Variants in KCNQ3 observed in about 807,000 individuals in gnomAD.
KCNQ3 encodes the protein potassium voltage-gated channel subfamily KQT member 3.
In KCNQ3, 30 loss-of-function variants were observed where a neutral mutation model predicts 92.5. The ratio of observed to expected loss-of-function variants is 0.32; its 90% CI spans 0.24 to 0.44. The LOEUF (loss-of-function observed/expected upper bound fraction) is 0.44. KCNQ3 is among the 20% of genes least tolerant of loss of function. The pLI, the probability that KCNQ3 is intolerant of heterozygous loss-of-function variation, is 1.00. For missense variants in KCNQ3, 913 were observed against 1,140.3 expected, an observed-to-expected ratio of 0.80 and a Z score of 2.87; for synonymous variants, 450 against 468.8, an observed-to-expected ratio of 0.96 and a Z score of 0.52.
At chr8:132,321,992 C>A (rs1431365213) in intron 1 of KCNQ3, among the ~76,000 whole-genome samples, 1 of 152,080 alleles carries the variant, frequency 6.6e-6, no homozygotes, top group Admixed American at 6.5e-5. Context: ...TTTTTTAAAG[C>A]ACATTTTCTT....
intron 9 of KCNQ3, among the ~76,000 whole-genome samples, chr8:132,151,769 GATATC>G (rs1456317106): frequency 2.0e-5 from 3 of 152,186 alleles, no homozygotes; most frequent in Non-Finnish European, 4.4e-5. Context: ...TGTGTTTCCT[GATATC>G]TGGATTTTTG....
intron 1 of KCNQ3, among the ~76,000 whole-genome samples, chr8:132,234,129 C>T (rs952396362): frequency 1.3e-5 from 2 of 152,138 alleles, no homozygotes; most frequent in African/African-American, 2.4e-5. Flanking sequence ...ATCGAGCCTA[C>T]ATAGCTCAAC....
intron 1 of KCNQ3, among the ~76,000 whole-genome samples, chr8:132,384,295 A>G (rs1819836700): frequency 6.6e-6 from 1 of 152,216 alleles, no homozygotes; most frequent in African/African-American, 2.4e-5. Flanking sequence ...CTGAGCACCA[A>G]CATATTTCAA....
intron 1 of KCNQ3, among the ~76,000 whole-genome samples, chr8:132,213,324 G>A (rs1023048745): frequency 2.0e-5 from 3 of 152,162 alleles, no homozygotes; most frequent in Admixed American, 6.5e-5. Flanking sequence ...TGACCAAGGT[G>A]CCGCTCTCCT....
intron 1 of KCNQ3, among the ~76,000 whole-genome samples, chr8:132,394,900 C>A (rs1490784634): frequency 6.6e-6 from 1 of 152,194 alleles, no homozygotes; most frequent in East Asian, 1.9e-4. Context: ...GCCAAAGACA[C>A]AACTTAAGAC....
At chr8:132,239,398 C>G (rs1286454628) in intron 1 of KCNQ3, among the ~76,000 whole-genome samples, 1 of 152,206 alleles carries the variant, frequency 6.6e-6, no homozygotes, top group East Asian at 1.9e-4. Context: ...GTAAGTACCA[C>G]TAAGGTTACT....
At chr8:132,139,130 C>T (rs1432931964) in intron 11 of KCNQ3, among the ~76,000 whole-genome samples, 1 of 152,164 alleles carries the variant, frequency 6.6e-6, no homozygotes, top group Non-Finnish European at 1.5e-5. Context: ...CATTTACTAT[C>T]CGACCCTTTC....
At chr8:132,380,733 A>G (rs558502195) in intron 1 of KCNQ3, among the ~76,000 whole-genome samples, 134 of 151,850 alleles carry the variant, frequency 8.8e-4, no homozygotes, top group African/African-American at 3.1e-3. Flanking sequence ...GCCCAGAGAA[A>G]AACCATCAGT....
chr8:132,190,122 T>C (rs1329637298), intron 1 of KCNQ3, among the ~76,000 whole-genome samples: 1 of 152,130 alleles, frequency 6.6e-6, no homozygotes, highest in Non-Finnish European at 1.5e-5. Flanking sequence ...GTCCCACAGC[T>C]GAACTAATTT....
At chr8:132,289,928 T>A (rs1263020742) in intron 1 of KCNQ3, among the ~76,000 whole-genome samples, 1 of 152,198 alleles carries the variant, frequency 6.6e-6, no homozygotes, top group Non-Finnish European at 1.5e-5. Flanking sequence ...CAAATAGAGC[T>A]AAGTCCCAGT....
intron 1 of KCNQ3, among the ~76,000 whole-genome samples, chr8:132,390,176 G>A (rs981990433): frequency 1.3e-5 from 2 of 152,254 alleles, no homozygotes; most frequent in Middle Eastern, 3.4e-3. Flanking sequence ...CCTTCTATAT[G>A]TGGTTCCAGT....
chr8:132,142,643 T>C (rs1317761892), intron 9 of KCNQ3, among the ~76,000 whole-genome samples: 1 of 152,212 alleles, frequency 6.6e-6, no homozygotes, highest in Non-Finnish European at 1.5e-5. Flanking sequence ...CACACAGAGC[T>C]TGGCACACAG....
intron 1 of KCNQ3, among the ~76,000 whole-genome samples, chr8:132,240,148 G>C (rs1443645113): frequency 2.0e-5 from 3 of 151,386 alleles, no homozygotes; most frequent in Non-Finnish European, 4.4e-5. Flanking sequence ...CACAGCTTGG[G>C]AGGATGGCAT....
intron 14 of KCNQ3, among the ~76,000 whole-genome samples, chr8:132,131,814 G>A (rs943253882): frequency 3.9e-5 from 6 of 152,068 alleles, no homozygotes; most frequent in East Asian, 1.9e-4. Context: ...GGGACTGGGC[G>A]CAGTGGCTCA....
chr8:132,255,365 C>A (rs1563827718), intron 1 of KCNQ3, among the ~76,000 whole-genome samples: 1 of 152,160 alleles, frequency 6.6e-6, no homozygotes, highest in Non-Finnish European at 1.5e-5. Context: ...TGAAAACAAG[C>A]AGTGGCAATT....
chr8:132,196,400 A>T (rs1827297854), intron 1 of KCNQ3, among the ~76,000 whole-genome samples: 1 of 152,202 alleles, frequency 6.6e-6, no homozygotes. Context: ...ATCTCCTCAT[A>T]GAATCCACCC....
intron 1 of KCNQ3, among the ~76,000 whole-genome samples, chr8:132,357,874 T>G (rs1819059379): frequency 6.6e-6 from 1 of 152,218 alleles, no homozygotes; most frequent in Admixed American, 6.5e-5. Flanking sequence ...CACCTGCCAT[T>G]CCTTACTCAT....
intron 1 of KCNQ3, among the ~76,000 whole-genome samples, chr8:132,209,440 A>G (rs925001243): frequency 6.6e-5 from 10 of 152,140 alleles, no homozygotes; most frequent in African/African-American, 2.4e-4. Context: ...TTGTGTTTCA[A>G]TGGAAAATTG....
intron 1 of KCNQ3, among the ~76,000 whole-genome samples, chr8:132,372,726 C>G (rs889037743): frequency 3.0e-5 from 4 of 134,676 alleles, no homozygotes; most frequent in Non-Finnish European, 6.1e-5. Flanking sequence ...CATTGCACCA[C>G]TTCAGCCTGG....
Sources: allele counts gnomAD v4.1 joint callset (sites outside exome capture counted in the v4.1 genomes callset), GRCh38; gene constraint gnomAD v4.1.1; transcripts MANE v1.5; gene names NCBI Gene and HGNC (gene_info 2026-07-23, HGNC 2026-07-21).